PDE4D: variants seen among roughly 807,000 people sequenced by gnomAD.
PDE4D encodes the protein phosphodiesterase 4D, also known as 3',5'-cyclic-AMP phosphodiesterase 4D.
PDE4D carries 24 observed loss-of-function variants against 87.4 expected under a neutral mutation model. The ratio of observed to expected loss-of-function variants is 0.27; its 90% CI spans 0.20 to 0.39. PDE4D has a LOEUF of 0.39. Among genes scored for constraint, PDE4D ranks in the 10% least tolerant of loss-of-function variants. The pLI, the probability that PDE4D is intolerant of heterozygous loss-of-function variation, is 1.00. For synonymous variants in PDE4D, 384 were observed against 383.2 expected (o/e 1.00, Z -0.02); for missense variants, 714 against 1,041.0 (o/e 0.69, Z 4.32).
chr5:59,121,016 A>G (rs1185955942), intron 5 of PDE4D, among the ~76,000 whole-genome samples: 1 of 152,228 alleles, frequency 6.6e-6, no homozygotes, highest in Non-Finnish European at 1.5e-5. Flanking sequence ...ACCCATAAGC[A>G]GAAGAATGAA....
intron 1 of PDE4D, among the ~76,000 whole-genome samples, chr5:59,473,744 C>T (rs1046317465): frequency 6.6e-6 from 1 of 152,128 alleles, no homozygotes; most frequent in Non-Finnish European, 1.5e-5. Context: ...GTCATCATTA[C>T]TCTTCATCAC....
At chr5:60,024,986 G>C in intron 2 of PDE4D, among the ~76,000 whole-genome samples, 1 of 152,120 alleles carries the variant, frequency 6.6e-6, no homozygotes, top group Non-Finnish European at 1.5e-5. Flanking sequence ...GGATAGTTTG[G>C]TGGAGCTCTG....
chr5:60,127,103 A>T (rs1779183157), intron 2 of PDE4D, among the ~76,000 whole-genome samples: 1 of 152,122 alleles, frequency 6.6e-6, no homozygotes, highest in South Asian at 2.1e-4. Flanking sequence ...AGAAAAGCAG[A>T]AGCATGTGTT....
intron 1 of PDE4D, among the ~76,000 whole-genome samples, chr5:60,239,941 C>A (rs1320859604): frequency 6.6e-6 from 1 of 151,946 alleles, no homozygotes; most frequent in African/African-American, 2.4e-5. Flanking sequence ...ACAATGCTGG[C>A]TAGAACAACC....
intron 1 of PDE4D, among the ~76,000 whole-genome samples, chr5:60,331,381 T>C (rs148633863): frequency 6.6e-6 from 1 of 152,350 alleles, no homozygotes; most frequent in East Asian, 1.9e-4. Flanking sequence ...CAGAATTTAC[T>C]TATTCAGAAG....
At chr5:59,623,998 C>G (rs1348616300) in intron 1 of PDE4D, among the ~76,000 whole-genome samples, 11 of 149,714 alleles carry the variant, frequency 7.3e-5, no homozygotes, top group African/African-American at 2.8e-4. Flanking sequence ...TATTATTTGG[C>G]CTTACTATTT....
intron 3 of PDE4D, among the ~76,000 whole-genome samples, chr5:59,932,033 GAAGA>G (rs1756018116): frequency 6.6e-6 from 1 of 152,180 alleles, no homozygotes; most frequent in East Asian, 1.9e-4. Flanking sequence ...GAGTTTTAGA[GAAGA>G]CAAATATTCA....
chr5:59,936,521 A>G (rs1193038214), intron 3 of PDE4D, among the ~76,000 whole-genome samples: 3 of 152,168 alleles, frequency 2.0e-5, no homozygotes, highest in Non-Finnish European at 2.9e-5. Flanking sequence ...GATATACATG[A>G]TATGATACAT....
intron 1 of PDE4D, among the ~76,000 whole-genome samples, chr5:59,233,457 A>T (rs1480234313): frequency 6.6e-6 from 1 of 152,130 alleles, no homozygotes; most frequent in African/African-American, 2.4e-5. Flanking sequence ...ATTTATCCAA[A>T]CCCAGACTAG....
chr5:60,472,967 T>C (rs1182945571), intron 1 of PDE4D, among the ~76,000 whole-genome samples: 1 of 151,984 alleles, frequency 6.6e-6, no homozygotes, highest in Admixed American at 6.6e-5. Context: ...ATTAAATGCA[T>C]TTTCAACTTA....
At chr5:59,940,038 C>T (rs866331747) in intron 3 of PDE4D, among the ~76,000 whole-genome samples, 1 of 152,244 alleles carries the variant, frequency 6.6e-6, no homozygotes, top group Non-Finnish European at 1.5e-5. Flanking sequence ...AAGTCCATAA[C>T]AGAGAGAGAA....
chr5:59,342,773 C>T (rs1329033764), intron 1 of PDE4D, among the ~76,000 whole-genome samples: 1 of 151,652 alleles, frequency 6.6e-6, no homozygotes, highest in Non-Finnish European at 1.5e-5. Context: ...TCTTCATTTT[C>T]ACACCCCTCC....
At chr5:59,315,663 T>C (rs897839573) in intron 1 of PDE4D, among the ~76,000 whole-genome samples, 5 of 152,056 alleles carry the variant, frequency 3.3e-5, no homozygotes, top group African/African-American at 1.2e-4. Context: ...AGGCAACAAC[T>C]TTGCGATAAA....
intron 2 of PDE4D, among the ~76,000 whole-genome samples, chr5:60,085,281 T>C (rs1051530331): frequency 6.6e-6 from 1 of 152,074 alleles, no homozygotes; most frequent in Non-Finnish European, 1.5e-5. Context: ...AGGGAATATA[T>C]AGAGGGAATA....
chr5:59,456,385 T>C (rs1799930628), intron 1 of PDE4D, among the ~76,000 whole-genome samples: 1 of 152,192 alleles, frequency 6.6e-6, no homozygotes, highest in African/African-American at 2.4e-5. Context: ...CTGCCATCCA[T>C]GTAAGATGTG....
At chr5:59,492,698 T>C (rs1317118475) in intron 1 of PDE4D, among the ~76,000 whole-genome samples, 2 of 151,842 alleles carry the variant, frequency 1.3e-5, no homozygotes, top group Non-Finnish European at 2.9e-5. Flanking sequence ...CTGATAGGTC[T>C]ATTATATGTT....
At chr5:59,418,566 T>C (rs1011239589) in intron 1 of PDE4D, among the ~76,000 whole-genome samples, 3 of 152,218 alleles carry the variant, frequency 2.0e-5, no homozygotes, top group African/African-American at 4.8e-5. Flanking sequence ...GCTTTCTCCA[T>C]GGTACTTAAC....
rs1294294871 is a variant in PDE4D, at chr5:60,400,030, G to C, written c.-90+87912C>G. ...CAGCAAGGGCATCAGGCCATATCAGGACCCCTCACTAAATTCACATCAGCA... is the reference window on the plus strand; with the variant it reads ...CAGCAAGGGCATCAGGCCATATCAGCACCCCTCACTAAATTCACATCAGCA... On this transcript the variant is annotated intron_variant, in intron 1 of 16. Transcript: ENST00000502484. Among the ~76,000 whole-genome samples the C allele has an allele frequency of 4.6e-5, 7 of 152,312 alleles. No individual in the cohort carries two copies. The East Asian group carries it at 1.4e-3, about 29-fold the overall frequency.
intron 1 of PDE4D, among the ~76,000 whole-genome samples, chr5:59,386,369 TAAA>T (rs1198456056): frequency 6.6e-6 from 1 of 152,192 alleles, no homozygotes; most frequent in Non-Finnish European, 1.5e-5. Flanking sequence ...TTCAAAATCT[TAAA>T]GAAAATATTT....
Sources: gnomAD v4.1 joint callset for allele counts (sites outside exome capture counted in the v4.1 genomes callset) on GRCh38, gnomAD v4.1.1 for gene constraint, MANE v1.5 for transcripts, NCBI Gene and HGNC (gene_info 2026-07-23, HGNC 2026-07-21) for gene names.